ARHGAP15: variants seen among roughly 807,000 people sequenced by gnomAD.
ARHGAP15 encodes the protein Rho GTPase activating protein 15.
A neutral mutation model predicts 63.7 loss-of-function variants in ARHGAP15; 51 were observed. The observed-to-expected ratio is 0.80, with a 90% CI of 0.64 to 1.01. The LOEUF (loss-of-function observed/expected upper bound fraction) is 1.01, where lower values mean the gene tolerates loss of function less well. ARHGAP15 is among the 50% of genes least tolerant of loss of function. The pLI, the probability that ARHGAP15 is intolerant of heterozygous loss-of-function variation, is 0.00. For missense variants in ARHGAP15, 560 were observed against 564.6 expected (o/e 0.99, Z 0.08); for synonymous variants, 191 against 193.8 (o/e 0.99, Z 0.12).
intron 6 of ARHGAP15, chr2:143,435,396 T>C (rs1689566855): frequency 8.4e-7 from 1 of 1,184,234 alleles, no homozygotes; most frequent in Admixed American, 4.3e-5. Flanking sequence ...ATTAAAACAA[T>C]AATGTATTTG....
chr2:143,145,880 A>G (rs1000861505), intron 1 of ARHGAP15, among the ~76,000 whole-genome samples: 2 of 136,268 alleles, frequency 1.5e-5, no homozygotes, highest in Non-Finnish European at 3.3e-5. Context: ...GTGTGTGTGT[A>G]TAATATATAT....
chr2:143,562,371 TATAAA>T (rs1696065350), intron 11 of ARHGAP15, among the ~76,000 whole-genome samples: 2 of 152,260 alleles, frequency 1.3e-5, no homozygotes, highest in Non-Finnish European at 2.9e-5. Context: ...TTTCTGTTCT[TATAAA>T]ATAGCCCTTG....
At chr2:143,445,594 T>C (rs1690098838) in intron 8 of ARHGAP15, among the ~76,000 whole-genome samples, 1 of 152,146 alleles carries the variant, frequency 6.6e-6, no homozygotes, top group Admixed American at 6.6e-5. Flanking sequence ...GACCCATAAT[T>C]TATGTTCCAG....
chr2:143,302,025 G>A (rs774504671), intron 6 of ARHGAP15, among the ~76,000 whole-genome samples: 1 of 151,892 alleles, frequency 6.6e-6, no homozygotes. Context: ...TTCTAAAATA[G>A]GACAGTGTTT....
chr2:143,512,903 T>G (rs1465571279), intron 9 of ARHGAP15, among the ~76,000 whole-genome samples: 1 of 152,260 alleles, frequency 6.6e-6, no homozygotes, highest in Non-Finnish European at 1.5e-5. Context: ...CCCCAGGGTT[T>G]AAGTGTAGGC....
At chr2:143,469,498 G>A (rs951046209) in intron 8 of ARHGAP15, among the ~76,000 whole-genome samples, 3 of 152,238 alleles carry the variant, frequency 2.0e-5, no homozygotes, top group African/African-American at 4.8e-5. Context: ...CCCCACACGC[G>A]AGCTCCAGTG....
chr2:143,326,409 CAG>C (rs202124155), intron 6 of ARHGAP15, among the ~76,000 whole-genome samples: 1,940 of 152,266 alleles, frequency 0.013, 41 homozygotes, highest in African/African-American at 0.045. Context: ...TACTTACTGA[CAG>C]AGCTGGAATT....
intron 12 of ARHGAP15, among the ~76,000 whole-genome samples, chr2:143,658,251 G>GGTTTATCTTCATCGTAC (rs911362087): frequency 1.3e-5 from 2 of 152,104 alleles, no homozygotes; most frequent in Non-Finnish European, 2.9e-5. Context: ...TTATAAGCTA[G>GGTTTATCTTCATCGTAC]GTTTATCTTC....
intron 12 of ARHGAP15, among the ~76,000 whole-genome samples, chr2:143,693,597 T>C (rs1321968250): frequency 6.6e-6 from 1 of 152,238 alleles, no homozygotes; most frequent in Non-Finnish European, 1.5e-5. Flanking sequence ...CTTTGCACTG[T>C]AATTTTCCAT....
At chr2:143,728,805 T>C (rs1685403093) in intron 13 of ARHGAP15, among the ~76,000 whole-genome samples, 1 of 152,116 alleles carries the variant, frequency 6.6e-6, no homozygotes, top group Non-Finnish European at 1.5e-5. Context: ...CGCCCTCCAT[T>C]AGGAGCAGAT....
chr2:143,561,714 C>T (rs2105098535), intron 11 of ARHGAP15, among the ~76,000 whole-genome samples: 1 of 152,090 alleles, frequency 6.6e-6, no homozygotes, highest in South Asian at 2.1e-4. Context: ...CAAGGTTTCA[C>T]CATGTCTCAA....
At chr2:143,542,621 CATAT>C (rs35825662) in intron 10 of ARHGAP15, among the ~76,000 whole-genome samples, 1 of 141,686 alleles carries the variant, frequency 7.1e-6, no homozygotes, top group Admixed American at 7.3e-5. Context: ...GCATATATAT[CATAT>C]ATATATGATT....
chr2:143,541,283 T>A (rs889052195), intron 10 of ARHGAP15, among the ~76,000 whole-genome samples: 1 of 152,192 alleles, frequency 6.6e-6, no homozygotes, highest in African/African-American at 2.4e-5. Flanking sequence ...TTCGTCTAAT[T>A]TTTTTTCAAA....
At chr2:143,507,827 T>A (rs1693392454) in intron 9 of ARHGAP15, among the ~76,000 whole-genome samples, 2 of 152,112 alleles carry the variant, frequency 1.3e-5, no homozygotes, top group Non-Finnish European at 2.9e-5. Context: ...CCTTCATCAG[T>A]AGATCCCACC....
intron 6 of ARHGAP15, among the ~76,000 whole-genome samples, chr2:143,307,703 T>C (rs1683238744): frequency 6.6e-6 from 1 of 152,156 alleles, no homozygotes; most frequent in Non-Finnish European, 1.5e-5. Flanking sequence ...ACCTACTGTT[T>C]GGAGTCTTAT....
At chr2:143,750,111 A>G (rs1686314019) in intron 13 of ARHGAP15, among the ~76,000 whole-genome samples, 1 of 152,218 alleles carries the variant, frequency 6.6e-6, no homozygotes, top group Non-Finnish European at 1.5e-5. Context: ...TTATAAAACA[A>G]TTGACAGAAA....
chr2:143,540,948 C>A (rs1168469836), intron 10 of ARHGAP15, among the ~76,000 whole-genome samples: 1 of 152,176 alleles, frequency 6.6e-6, no homozygotes, highest in African/African-American at 2.4e-5. Flanking sequence ...GGGAAGTTCT[C>A]CTGGATAATA....
intron 13 of ARHGAP15, among the ~76,000 whole-genome samples, chr2:143,755,006 T>A (rs573253884): frequency 2.0e-5 from 3 of 152,296 alleles, no homozygotes; most frequent in South Asian, 4.1e-4. Context: ...AGACCCAATG[T>A]ACAAGGAAGG....
At chr2:143,138,352 CA>C (rs1689228831) in intron 1 of ARHGAP15, among the ~76,000 whole-genome samples, 1 of 151,964 alleles carries the variant, frequency 6.6e-6, no homozygotes, top group African/African-American at 2.4e-5. Context: ...CTGGGTAATG[CA>C]AAGTCCATGT....
Sources: gnomAD v4.1 joint callset for allele counts (sites outside exome capture counted in the v4.1 genomes callset) on GRCh38, gnomAD v4.1.1 for gene constraint, MANE v1.5 for transcripts, NCBI Gene and HGNC (gene_info 2026-07-23, HGNC 2026-07-21) for gene names.